Variants in FUT8 observed in about 807,000 individuals in gnomAD.
The protein encoded by FUT8 is alpha-(1,6)-fucosyltransferase.
A neutral mutation model predicts 71.3 loss-of-function variants in FUT8; 29 were observed. That is an observed-to-expected ratio of 0.41 (90% CI 0.30 to 0.55). FUT8 has a LOEUF of 0.55. FUT8 is among the 20% of genes least tolerant of loss of function. The pLI, the probability that FUT8 is intolerant of heterozygous loss-of-function variation, is 0.34. For synonymous variants in FUT8, 254 were observed against 239.3 expected, an observed-to-expected ratio of 1.06 and a Z score of -0.57; for missense variants, 544 against 702.1, an observed-to-expected ratio of 0.77 and a Z score of 2.55.
intron 6 of FUT8, among the ~76,000 whole-genome samples, chr14:65,642,572 C>T (rs557404352): frequency 2.1e-5 from 3 of 142,176 alleles, no homozygotes; most frequent in African/African-American, 7.8e-5. Context: ...CACTGCACTC[C>T]AGCCTGGGTG....
At chr14:65,572,573 C>T (rs1339126836) in intron 3 of FUT8, among the ~76,000 whole-genome samples, 1 of 151,992 alleles carries the variant, frequency 6.6e-6, no homozygotes, top group Admixed American at 6.6e-5. Flanking sequence ...CCTTTTTTGC[C>T]TAACACCCTT....
the FUT8 span, among the ~76,000 whole-genome samples, chr14:65,364,450 G>A: frequency 1.2e-4 from 18 of 152,204 alleles, no homozygotes; most frequent in African/African-American, 4.3e-4. Flanking sequence ...TGATCTGCCC[G>A]CCTCGGCCTC....
chr14:65,700,379 C>CTTT (rs1250930619), intron 7 of FUT8, among the ~76,000 whole-genome samples: 9 of 74,942 alleles, frequency 1.2e-4, no homozygotes, highest in African/African-American at 1.5e-4. Context: ...TTCTTTCTTT[C>CTTT]TGTTTTTTTT....
intron 2 of FUT8, among the ~76,000 whole-genome samples, chr14:65,511,320 T>C (rs759744840): frequency 7.2e-5 from 11 of 152,192 alleles, no homozygotes; most frequent in African/African-American, 2.4e-4. Context: ...AAGACTTGTT[T>C]TGTGACCTAA....
intron 5 of FUT8, among the ~76,000 whole-genome samples, chr14:65,619,660 T>G (rs767104518): frequency 9.8e-5 from 15 of 152,298 alleles, no homozygotes; most frequent in Admixed American, 4.6e-4. Context: ...TTTTAAGAAT[T>G]TAGAGGTGTT....
In FUT8 at chr14:65,742,238, A is replaced by G. The variant is rs768247126; in HGVS notation, c.1556A>G (p.Asp519Gly). The G allele has an allele frequency of 6.2e-7, 1 of 1,613,134 alleles. No homozygotes were observed. Among genetic ancestry groups the G allele is most frequent in the Non-Finnish European group, 8.5e-7 (1 of 1,179,404 alleles). ...AIYAHQPRTADEIPMEPGDII... is the reference protein window; with the variant it reads ...AIYAHQPRTAGEIPMEPGDII... ...TATGCTCACCAACCCCGAACTGCAG[A>G]TGAAATTCCCATGGAACCTGGAGAT... The change falls in exon 11 of 11, where the codon GAT (aspartate) becomes GGT (glycine). Residue 519 changes from aspartate (D) to glycine (G), a missense_variant. Physicochemically the swap from Asp to Gly is moderately conservative, Grantham distance 94. Coordinates refer to ENST00000673929, the MANE Select transcript of FUT8 (RefSeq NM_001371533.1).
intron 3 of FUT8, among the ~76,000 whole-genome samples, chr14:65,613,562 A>G (rs1040931700): frequency 9.2e-5 from 14 of 152,130 alleles, no homozygotes; most frequent in Non-Finnish European, 2.1e-4. Flanking sequence ...AGGCTTTTTC[A>G]TTCATATTCT....
At chr14:65,709,567 G>A (rs1017809176) in intron 7 of FUT8, among the ~76,000 whole-genome samples, 2 of 152,096 alleles carry the variant, frequency 1.3e-5, no homozygotes, top group African/African-American at 2.4e-5. Context: ...GAGTGAACAG[G>A]TACTGTGAAT....
chr14:65,650,715 A>C (rs1223165089), intron 6 of FUT8, among the ~76,000 whole-genome samples: 3 of 150,434 alleles, frequency 2.0e-5, no homozygotes, highest in Non-Finnish European at 3.0e-5. Flanking sequence ...TACAAAAAAA[A>C]AAAAAAAAAA....
At chr14:65,425,468 GT>G (rs557101189) in intron 1 of FUT8, among the ~76,000 whole-genome samples, 24,495 of 119,524 alleles carry the variant, frequency 0.2, 2,389 homozygotes, top group East Asian at 0.37. Flanking sequence ...ATGCCTGGCC[GT>G]TTTTTTTTTT....
chr14:65,534,549 CTT>C (rs71126760), intron 2 of FUT8, among the ~76,000 whole-genome samples: 5 of 122,230 alleles, frequency 4.1e-5, no homozygotes, highest in African/African-American at 3.2e-5. Flanking sequence ...GGCTGTTTTT[CTT>C]TTTTTTTTTT....
At chr14:65,678,541 C>T (rs1305836222) in intron 7 of FUT8, among the ~76,000 whole-genome samples, 1 of 152,064 alleles carries the variant, frequency 6.6e-6, no homozygotes, top group African/African-American at 2.4e-5. Flanking sequence ...TTTAAGGTCT[C>T]CAAGTTGATA....
intron 7 of FUT8, among the ~76,000 whole-genome samples, chr14:65,680,932 A>T (rs937555594): frequency 2.7e-4 from 41 of 152,188 alleles, no homozygotes; most frequent in African/African-American, 9.6e-4. Context: ...TCACTAGTCC[A>T]CCTACAAATG....
chr14:65,549,477 A>T (rs1355436902), intron 2 of FUT8, among the ~76,000 whole-genome samples: 2 of 152,162 alleles, frequency 1.3e-5, no homozygotes, highest in East Asian at 3.9e-4. Context: ...TGTATTTAAA[A>T]ATAGATTGGA....
chr14:65,655,142 T>C (rs1047013175), intron 6 of FUT8, among the ~76,000 whole-genome samples: 1 of 151,744 alleles, frequency 6.6e-6, no homozygotes, highest in East Asian at 1.9e-4. Context: ...AGTGAAATGA[T>C]GGGCAGATAC....
chr14:65,559,717 G>A (rs936285807), intron 2 of FUT8, among the ~76,000 whole-genome samples: 1 of 151,940 alleles, frequency 6.6e-6, no homozygotes, highest in Non-Finnish European at 1.5e-5. Context: ...CTTCTTATTT[G>A]GTTTTAAAGT....
chr14:65,692,773 T>G (rs1266058937), intron 7 of FUT8, among the ~76,000 whole-genome samples: 3 of 130,080 alleles, frequency 2.3e-5, no homozygotes, highest in East Asian at 2.4e-4. Context: ...GGGCAGAGGG[T>G]CTCCTCACTT....
At position 65,603,779 on chromosome 14, in the gene FUT8, A is replaced by AT. The variant is rs1384167353; in HGVS notation, c.204-12198dup. Among the ~76,000 whole-genome samples, 4 of 151,838 alleles carry AT rather than the reference A, an allele frequency of 2.6e-5. No individual in the cohort carries two copies. Among genetic ancestry groups the AT allele is most frequent in the African/African-American group, 7.2e-5 (3 of 41,402 alleles). ...CCTCACATCTTAATGTTAATATTGA[A>AT]TGTAAGTGGTCTAAGTGCTCCACTT... On this transcript the variant is annotated intron_variant, in intron 3 of 10. Transcript: ENST00000673929. The surrounding 1 kb of genome is among the most constrained non-coding windows in gnomAD (Gnocchi z 4.5).
chr14:65,458,715 C>A (rs1053927311), intron 2 of FUT8, among the ~76,000 whole-genome samples: 1 of 151,468 alleles, frequency 6.6e-6, no homozygotes, highest in Admixed American at 6.6e-5. Flanking sequence ...TCTGTAGATA[C>A]GTGGCCTGCT....
Sources: gnomAD v4.1 joint callset for allele counts (sites outside exome capture counted in the v4.1 genomes callset) on GRCh38, gnomAD v4.1.1 for gene constraint, Gnocchi (gnomAD v3.1) non-coding constraint, MANE v1.5 for transcripts, NCBI Gene and HGNC (gene_info 2026-07-23, HGNC 2026-07-21) for gene names.